The following RARB variants were observed in gnomAD, a reference collection of about 807,000 sequenced individuals.
The protein encoded by RARB is retinoic acid receptor beta.
RARB carries 17 observed loss-of-function variants against 51.9 expected under a neutral mutation model. That is an observed-to-expected ratio of 0.33 (90% CI 0.22 to 0.49). The LOEUF is 0.49. Ranked by LOEUF, RARB falls within the 20% of genes least tolerant of loss-of-function variation. The pLI, the probability that RARB is intolerant of heterozygous loss-of-function variation, is 0.99. For synonymous variants in RARB, 215 were observed against 195.4 expected (o/e 1.10, Z -0.84); for missense variants, 369 against 550.8 (o/e 0.67, Z 3.30).
At chr3:25,379,622 A>G (rs1706566608) in intron 5 of RARB, among the ~76,000 whole-genome samples, 1 of 152,244 alleles carries the variant, frequency 6.6e-6, no homozygotes, top group Admixed American at 6.5e-5. Context: ...TGGAAAATAC[A>G]AAGAGCTATT....
intron 3 of RARB, among the ~76,000 whole-genome samples, chr3:25,080,416 T>C (rs1698970160): frequency 1.3e-5 from 2 of 152,212 alleles, no homozygotes; most frequent in Admixed American, 1.3e-4. Context: ...CCTGTTTATG[T>C]CCCTGCTCTC....
chr3:24,911,305 C>T (rs535293942), intron 2 of RARB, among the ~76,000 whole-genome samples: 11 of 151,918 alleles, frequency 7.2e-5, no homozygotes, highest in South Asian at 2.1e-4. Context: ...TTGTTCTGTT[C>T]GATTGTAAAA....
At chr3:25,395,377 A>G (rs1007906250) in intron 5 of RARB, among the ~76,000 whole-genome samples, 2 of 152,128 alleles carry the variant, frequency 1.3e-5, no homozygotes, top group Non-Finnish European at 2.9e-5. Context: ...CTATGTGCAT[A>G]GGTGATGATC....
rs575408269 is a variant in RARB at position 25,351,208 on chromosome 3, C to T, written c.179-109985C>T. 2.0e-5 allele frequency among the ~76,000 whole-genome samples: 3 copies of T among 152,250 alleles called. No individual in the cohort carries two copies. In the South Asian group the frequency reaches 6.2e-4, roughly 32 times the overall value. On this transcript the variant is annotated intron_variant, in intron 5 of 11. Coordinates refer to the RARB transcript ENST00000383772. Reference sequence around the variant, plus strand: ...TAGTTTTTCATTATATTCTGTCTTTCACTTGATGGAGAGGGGCGGGCAGGC... The same window carrying T: ...TAGTTTTTCATTATATTCTGTCTTTTACTTGATGGAGAGGGGCGGGCAGGC...
intron 2 of RARB, among the ~76,000 whole-genome samples, chr3:24,956,155 G>C (rs1696010080): frequency 6.6e-6 from 1 of 152,090 alleles, no homozygotes. Context: ...AAAGTACTGA[G>C]AATACTGAAG....
At chr3:25,327,233 AAAAAAAGGG>A (rs1296733621) in intron 5 of RARB, among the ~76,000 whole-genome samples, 1 of 150,714 alleles carries the variant, frequency 6.6e-6, no homozygotes, top group Non-Finnish European at 1.5e-5. Flanking sequence ...ATTTTTTTTT[AAAAAAAGGG>A]AATTTCCTGA....
At chr3:25,204,862 C>G (rs771879762) in intron 5 of RARB, among the ~76,000 whole-genome samples, 1 of 152,144 alleles carries the variant, frequency 6.6e-6, no homozygotes, top group Admixed American at 6.5e-5. Context: ...AGTTAGGCTA[C>G]TCGGGGGTCA....
At chr3:25,569,976 G>A (rs1700645049) in intron 4 of RARB, 58 bp downstream of exon 4, 1 of 1,475,798 alleles carries the variant, frequency 6.8e-7, no homozygotes, top group Non-Finnish European at 9.2e-7. Flanking sequence ...ACGTGCATGT[G>A]TGCAGACACA....
chr3:24,969,032 A>G (rs1696337365), intron 2 of RARB, among the ~76,000 whole-genome samples: 1 of 151,944 alleles, frequency 6.6e-6, no homozygotes, highest in Non-Finnish European at 1.5e-5. Context: ...GTTACCTGCT[A>G]GGCACAGGAT....
intron 1 of RARB, chr3:24,832,970 C>T (rs1044825146): frequency 2.6e-5 from 4 of 152,082 alleles, no homozygotes; most frequent in African/African-American, 9.7e-5. Flanking sequence ...CTCAGCATCC[C>T]TTACCTCATT....
chr3:25,065,697 C>T (rs897894315), intron 3 of RARB, among the ~76,000 whole-genome samples: 4 of 152,190 alleles, frequency 2.6e-5, no homozygotes, highest in African/African-American at 4.8e-5. Context: ...AATGACACTT[C>T]GTACCATATC....
At chr3:24,894,124 C>A (rs752152032) in intron 2 of RARB, among the ~76,000 whole-genome samples, 2 of 152,026 alleles carry the variant, frequency 1.3e-5, no homozygotes, top group East Asian at 1.9e-4. Context: ...TTTATAATTT[C>A]GACTTTTCTC....
chr3:25,153,611 T>A (rs928261036), intron 4 of RARB, among the ~76,000 whole-genome samples: 1 of 152,140 alleles, frequency 6.6e-6, no homozygotes, highest in African/African-American at 2.4e-5. Context: ...TGTGAAAACC[T>A]TCTGAGTTGT....
chr3:25,259,852 T>C, intron 5 of RARB: 1 of 952,710 alleles, frequency 1.0e-6, no homozygotes, highest in Non-Finnish European at 1.2e-6. Context: ...TGTCATTGCT[T>C]CCCAAATAAG....
At chr3:24,839,989 C>A (rs1050290174) in intron 1 of RARB, among the ~76,000 whole-genome samples, 1 of 152,110 alleles carries the variant, frequency 6.6e-6, no homozygotes, top group Admixed American at 6.5e-5. Context: ...GAGAGCACAG[C>A]TCTATGACTC....
At chr3:25,126,288 T>TC (rs1559475585) in intron 3 of RARB, among the ~76,000 whole-genome samples, 3 of 152,184 alleles carry the variant, frequency 2.0e-5, no homozygotes, top group Non-Finnish European at 4.4e-5. Context: ...GTAACCAGAT[T>TC]TGTGCAGATT....
At chr3:25,549,468 A>T (rs1159044677) in intron 3 of RARB, among the ~76,000 whole-genome samples, 1 of 152,164 alleles carries the variant, frequency 6.6e-6, no homozygotes, top group Admixed American at 6.5e-5. Context: ...GTTGGGAAGG[A>T]TCAAGCTGAG....
At chr3:25,008,349 C>T (rs529060447) in intron 2 of RARB, among the ~76,000 whole-genome samples, 1 of 152,270 alleles carries the variant, frequency 6.6e-6, no homozygotes, top group South Asian at 2.1e-4. Context: ...ATGACCGCTC[C>T]TCTGACTTGA....
Position 25,170,758 on chromosome 3 carries a change from A to G in RARB, c.-279-3361A>G, listed in dbSNP as rs138107552. On this transcript the variant is annotated intron_variant, in intron 4 of 11. Coordinates refer to the RARB transcript ENST00000383772. ...AATAATTGTGGAATTGATTTCCACA[A>G]TTATATACATACAGAGAAAAATTAT... is the stretch of plus-strand genomic sequence containing the variant. Among the ~76,000 whole-genome samples, 798 of 152,320 alleles carry G rather than the reference A, an allele frequency of 5.2e-3. 5 individuals are homozygous for G. Among genetic ancestry groups the G allele is most frequent in the African/African-American group, 0.018 (748 of 41,576 alleles).
Sources: allele counts gnomAD v4.1 joint callset (sites outside exome capture counted in the v4.1 genomes callset), GRCh38; gene constraint gnomAD v4.1.1; transcripts MANE v1.5; gene names NCBI Gene and HGNC (gene_info 2026-07-23, HGNC 2026-07-21).